BMERB1: variants seen among roughly 807,000 people sequenced by gnomAD.
BMERB1 encodes bMERB domain containing 1, also known as bMERB domain-containing protein 1.
Under a neutral mutation model 23.6 loss-of-function variants are expected in BMERB1, and 12 were observed. The observed-to-expected ratio is 0.51, with a 90% CI of 0.33 to 0.82. The LOEUF (loss-of-function observed/expected upper bound fraction) is 0.82. Among genes scored for constraint, BMERB1 ranks in the 40% least tolerant of loss-of-function variants. The pLI is 0.03. For synonymous variants in BMERB1, 122 were observed against 96.6 expected (o/e 1.26, Z -1.54); for missense variants, 247 against 255.4 (o/e 0.97, Z 0.22).
intron 1 of BMERB1, among the ~76,000 whole-genome samples, chr16:15,511,544 A>G (rs1015495604): frequency 1.2e-4 from 19 of 152,136 alleles, no homozygotes; most frequent in Non-Finnish European, 2.4e-4. Context: ...TATCTATTTC[A>G]TGAAGTATTG....
At chr16:15,451,518 T>A (rs911944138) in intron 1 of BMERB1, among the ~76,000 whole-genome samples, 3 of 151,154 alleles carry the variant, frequency 2.0e-5, no homozygotes, top group African/African-American at 7.3e-5. Context: ...TATGCCTATG[T>A]GTGTATGTAC....
At chr16:15,535,662 A>G (rs570241002) in intron 2 of BMERB1, among the ~76,000 whole-genome samples, 64 of 151,698 alleles carry the variant, frequency 4.2e-4, no homozygotes, top group African/African-American at 1.5e-3. Context: ...AAAAAAAAAA[A>G]AGGAAAGAAA....
At chr16:15,445,595 G>A (rs2150922263) in intron 1 of BMERB1, among the ~76,000 whole-genome samples, 1 of 152,288 alleles carries the variant, frequency 6.6e-6, no homozygotes, top group Non-Finnish European at 1.5e-5. Flanking sequence ...ACTGAGATAT[G>A]TAGCCACTGG....
chr16:15,567,173 A>G (rs2150971805), intron 2 of BMERB1, among the ~76,000 whole-genome samples: 1 of 152,278 alleles, frequency 6.6e-6, no homozygotes, highest in East Asian at 1.9e-4. Context: ...CCTGGGCAAC[A>G]GAGCGACACT....
chr16:15,562,447 T>C (rs2030449375), intron 2 of BMERB1, among the ~76,000 whole-genome samples: 1 of 152,164 alleles, frequency 6.6e-6, no homozygotes, highest in Admixed American at 6.6e-5. Context: ...TCTCCTTTTG[T>C]CCTTTCTCCA....
At chr16:15,509,513 A>G (rs369547508) in intron 1 of BMERB1, among the ~76,000 whole-genome samples, 2 of 152,188 alleles carry the variant, frequency 1.3e-5, no homozygotes, top group Non-Finnish European at 2.9e-5. Flanking sequence ...GAATTCTTGT[A>G]CAGAGGAGGA....
intron 4 of BMERB1, among the ~76,000 whole-genome samples, chr16:15,581,654 ATCAG>A (rs1567507595): frequency 6.6e-6 from 1 of 152,188 alleles, no homozygotes; most frequent in African/African-American, 2.4e-5. Context: ...AACTTCTGCT[ATCAG>A]TTTCTACCGA....
chr16:15,572,910 C>CT (rs974488719), intron 3 of BMERB1, among the ~76,000 whole-genome samples: 2 of 152,142 alleles, frequency 1.3e-5, no homozygotes, highest in African/African-American at 4.8e-5. Context: ...GGGGTTTCCC[C>CT]TTTCGCTTGA....
At chr16:15,533,592 C>A (rs1598501135) in intron 2 of BMERB1, among the ~76,000 whole-genome samples, 2 of 152,012 alleles carry the variant, frequency 1.3e-5, no homozygotes, top group African/African-American at 4.8e-5. Context: ...TCTGATTGGT[C>A]CAAATTTGCT....
intron 3 of BMERB1, among the ~76,000 whole-genome samples, chr16:15,580,296 G>A (rs1314974623): frequency 6.6e-6 from 1 of 152,026 alleles, no homozygotes; most frequent in Non-Finnish European, 1.5e-5. Context: ...ACATAGGAGG[G>A]TCTCACTATG....
chr16:15,494,877 CTTTTTT>C (rs754135430), intron 1 of BMERB1, among the ~76,000 whole-genome samples: 5 of 95,174 alleles, frequency 5.3e-5, no homozygotes, highest in African/African-American at 1.2e-4. Context: ...TTTTTTTTAT[CTTTTTT>C]TTTTTTTTTT....
chr16:15,586,164 C>T (rs2031134144), intron 5 of BMERB1, among the ~76,000 whole-genome samples: 5 of 151,646 alleles, frequency 3.3e-5, no homozygotes, highest in African/African-American at 1.2e-4. Context: ...GAGAAAGTTA[C>T]ACAGAATGCA....
intron 1 of BMERB1, among the ~76,000 whole-genome samples, chr16:15,496,677 T>G (rs1435658600): frequency 6.6e-6 from 1 of 152,116 alleles, no homozygotes; most frequent in African/African-American, 2.4e-5. Context: ...TAGCTGGGAC[T>G]ACAGGCGCCC....
intron 3 of BMERB1, among the ~76,000 whole-genome samples, chr16:15,575,193 A>G (rs961432569): frequency 2.6e-5 from 4 of 152,206 alleles, no homozygotes; most frequent in African/African-American, 9.6e-5. Flanking sequence ...TAGAACAAGG[A>G]AAGATGGTCA....
At chr16:15,465,549 C>T (rs2051174061) in intron 1 of BMERB1, among the ~76,000 whole-genome samples, 1 of 151,986 alleles carries the variant, frequency 6.6e-6, no homozygotes, top group South Asian at 2.1e-4. Context: ...GACAGGGTTT[C>T]ACCACGTTGG....
intron 1 of BMERB1, among the ~76,000 whole-genome samples, chr16:15,442,265 G>A (rs993879661): frequency 6.6e-6 from 1 of 151,826 alleles, no homozygotes; most frequent in Admixed American, 6.6e-5. Context: ...AGGGGGCAGA[G>A]CTTGCAGTGA....
At chr16:15,460,801 T>C (rs2051127665) in intron 1 of BMERB1, among the ~76,000 whole-genome samples, 2 of 152,120 alleles carry the variant, frequency 1.3e-5, no homozygotes, top group Admixed American at 1.3e-4. Flanking sequence ...AACAGATCAT[T>C]ATGTAATATG....
intron 1 of BMERB1, among the ~76,000 whole-genome samples, chr16:15,437,063 G>C (rs972392195): frequency 6.6e-6 from 1 of 152,128 alleles, no homozygotes; most frequent in African/African-American, 2.4e-5. Flanking sequence ...TTGAACCCCG[G>C]TCTGTTGGAC....
intron 1 of BMERB1, among the ~76,000 whole-genome samples, chr16:15,500,904 G>A (rs1227868150): frequency 6.6e-6 from 1 of 151,836 alleles, no homozygotes; most frequent in Non-Finnish European, 1.5e-5. Flanking sequence ...CACCTGCCTC[G>A]GCCTCCCAAA....
Sources: allele counts gnomAD v4.1 joint callset (sites outside exome capture counted in the v4.1 genomes callset), GRCh38; gene constraint gnomAD v4.1.1; transcripts MANE v1.5; gene names NCBI Gene and HGNC (gene_info 2026-07-23, HGNC 2026-07-21).